The following ABCB11 variants were observed in gnomAD, a reference collection of about 807,000 sequenced individuals.
ABCB11 encodes ATP binding cassette subfamily B member 11.
Under a neutral mutation model 148.0 loss-of-function variants are expected in ABCB11, and 95 were observed. The observed-to-expected ratio is 0.64, with a 90% CI of 0.54 to 0.76. The LOEUF (loss-of-function observed/expected upper bound fraction) is 0.76, where lower values mean the gene tolerates loss of function less well. Among genes scored for constraint, ABCB11 ranks in the 30% least tolerant of loss-of-function variants. The pLI is 0.00. For missense variants in ABCB11, 1,523 were observed against 1,617.8 expected, an observed-to-expected ratio of 0.94 and a Z score of 1.01; for synonymous variants, 591 against 555.4, an observed-to-expected ratio of 1.06 and a Z score of -0.90.
chr2:168,954,601 G>C (rs773279048), intron 19 of ABCB11, among the ~76,000 whole-genome samples: 4 of 151,458 alleles, frequency 2.6e-5, no homozygotes, highest in Non-Finnish European at 5.9e-5. Flanking sequence ...CTATTAGTCT[G>C]ATGGGGTTTC....
intron 18 of ABCB11, 133 bp from the exon 19 acceptor site, chr2:168,958,261 G>A (rs1342890768): frequency 1.3e-6 from 1 of 773,840 alleles, no homozygotes; most frequent in African/African-American, 1.7e-5. Flanking sequence ...TATGGGATAT[G>A]GTTGTTTGTT....
At chr2:168,993,022 T>A (rs894205559) in intron 8 of ABCB11, among the ~76,000 whole-genome samples, 1 of 152,054 alleles carries the variant, frequency 6.6e-6, no homozygotes, top group Non-Finnish European at 1.5e-5. Flanking sequence ...TTTTAGCTGA[T>A]GTGACCCGAA....
Position 168,993,830 on chromosome 2 carries a change from G to A in ABCB11, c.664C>T (p.Gln222Ter), listed in dbSNP as rs1292921760. ...AIADQMALFI[Q>*]RMTSTICGFL... Reference sequence around the variant, plus strand: ...CCACAGATGGTCGAGGTCATGCGCTGAATGAAAAGGGCCATTTGGTCAGCT... The same window carrying A: ...CCACAGATGGTCGAGGTCATGCGCTAAATGAAAAGGGCCATTTGGTCAGCT... The change falls in exon 8 of 28, where the codon CAG becomes TAG. Residue 222 changes from glutamine (Q) to a stop codon, truncating the protein, a stop_gained. Transcript: ENST00000650372. LOFTEE classifies it high-confidence loss of function. 6.2e-7 allele frequency: 1 copy of A among 1,611,442 alleles called. No individual in the cohort carries two copies. The highest frequency in any genetic ancestry group is 1.7e-5 in the Admixed American group (1 of 59,720).
chr2:168,936,925 G>A (rs1282157161), intron 21 of ABCB11, among the ~76,000 whole-genome samples: 2 of 151,908 alleles, frequency 1.3e-5, no homozygotes, highest in Non-Finnish European at 2.9e-5. Flanking sequence ...GTCTCACTCT[G>A]TCACCCAGGC....
intron 21 of ABCB11, among the ~76,000 whole-genome samples, chr2:168,942,522 A>C (rs1352657138): frequency 6.6e-6 from 1 of 151,816 alleles, no homozygotes; most frequent in Non-Finnish European, 1.5e-5. Flanking sequence ...AAAAAAATAG[A>C]AAGAATTAAT....
intron 26 of ABCB11, among the ~76,000 whole-genome samples, chr2:168,926,217 A>G (rs1407270691): frequency 1.6e-4 from 25 of 152,160 alleles, no homozygotes. Context: ...CTTTTGGTGG[A>G]TGGAAAAATG....
In ABCB11 at chr2:169,018,977, T is replaced by C. The variant is rs565281414; in HGVS notation, c.-27-825A>G. ...CCCTCAGCGTCTGGATGCTGACGAG[T>C]GTGAGAGTTTAGCTGGCGAGAGGAC... is the stretch of plus-strand genomic sequence containing the variant. On this transcript the variant is annotated intron_variant, in intron 1 of 27. Coordinates refer to ENST00000650372, the MANE Select transcript of ABCB11 (RefSeq NM_003742.4). 8.6e-5 allele frequency among the ~76,000 whole-genome samples: 13 copies of C among 151,496 alleles called. No homozygotes were observed. In the East Asian group the frequency reaches 1.9e-3, roughly 23 times the overall value.
chr2:169,022,089 T>G (rs1330665766), intron 1 of ABCB11, among the ~76,000 whole-genome samples: 1 of 151,928 alleles, frequency 6.6e-6, no homozygotes, highest in Admixed American at 6.6e-5. Flanking sequence ...TAGAAAATAT[T>G]TAAAATATGG....
Position 168,971,948 on chromosome 2 carries a change from C to T in ABCB11, c.1537G>A (p.Ala513Thr), listed in dbSNP as rs1442707854. 6 of 1,612,976 alleles carry T rather than the reference C, an allele frequency of 3.7e-6. No individual in the cohort carries two copies. Among genetic ancestry groups the T allele is most frequent in the African/African-American group, 1.3e-5 (1 of 74,842 alleles). Residue 513 changes from alanine to threonine, a missense_variant, in exon 14 of 28, where the codon GCA becomes ACA. Coordinates refer to ENST00000650372, the MANE Select transcript of ABCB11 (RefSeq NM_003742.4). ...QEPVLFSTTI[A>T]ENIRYGREDA... is the part of the protein sequence containing the mutation. ...TCTCTGCCATAGCGAATATTTTCTG[C>T]AATGGTGGTAGAGAACAGAACTGGC...
At chr2:169,000,031 G>A (rs1026195253) in intron 5 of ABCB11, among the ~76,000 whole-genome samples, 1 of 152,058 alleles carries the variant, frequency 6.6e-6, no homozygotes. Flanking sequence ...TAAGTCTATA[G>A]TAATATCTCA....
chr2:168,924,227 A>C (rs1460680400), intron 27 of ABCB11, among the ~76,000 whole-genome samples: 1 of 152,160 alleles, frequency 6.6e-6, no homozygotes, highest in East Asian at 1.9e-4. Context: ...ATACATTTTA[A>C]ATTTCATAAT....
intron 23 of ABCB11, among the ~76,000 whole-genome samples, chr2:168,934,790 A>G (rs894067612): frequency 6.6e-6 from 1 of 152,114 alleles, no homozygotes; most frequent in East Asian, 1.9e-4. Context: ...ATTTTTTTCT[A>G]TTCCTTAAAC....
Position 168,957,948 on chromosome 2 carries a change from C to T in ABCB11, c.2343+16G>A. ...AAGGTATGAGAAGAAGAAAGCTAGT[C>T]CAGCTGTGTACTTACCCCAAGAATC... On this transcript the variant is annotated intron_variant, in intron 19 of 27. Transcript: ENST00000650372. 1 of 1,514,876 alleles carries T rather than the reference C, an allele frequency of 6.6e-7. No individual in the cohort carries two copies. Among genetic ancestry groups the T allele is most frequent in the Non-Finnish European group, 9.0e-7 (1 of 1,116,710 alleles). The allele number at this position is 1,514,876 out of a possible 1,614,324, so 93.8% of individuals were successfully genotyped here.
intron 22 of ABCB11, among the ~76,000 whole-genome samples, chr2:168,935,798 G>A (rs1200109462): frequency 6.6e-6 from 1 of 152,148 alleles, no homozygotes; most frequent in African/African-American, 2.4e-5. Flanking sequence ...CAAGCCTGGG[G>A]GACTCTAAAG....
At chr2:168,924,920 C>T in intron 26 of ABCB11, 117 bp from the exon 27 acceptor site, 4 of 783,186 alleles carry the variant, frequency 5.1e-6, no homozygotes, top group Non-Finnish European at 7.6e-6. Flanking sequence ...AACTAGGGAA[C>T]AGTGAGTGAG....
At position 168,986,115 on chromosome 2, in the gene ABCB11, C is replaced by G; in HGVS notation, c.1078G>C (p.Val360Leu). 6.2e-7 allele frequency: 1 copy of G among 1,602,570 alleles called. No homozygotes were observed. Among genetic ancestry groups the G allele is most frequent in the Non-Finnish European group, 8.5e-7 (1 of 1,173,864 alleles). ...DEGEYTPGTLVQIFLSVIVGA... is the reference protein window; with the variant it reads ...DEGEYTPGTLLQIFLSVIVGA... ...GGTCAATAAGTCCAAGGTACCTGGA[C>G]AAGGGTTCCTGGTGTATATTCTCCT... Residue 360 changes from valine (V) to leucine (L), a missense_variant, in exon 10 of 28, where the codon GTC becomes CTC. Coordinates refer to ENST00000650372, the MANE Select transcript of ABCB11 (RefSeq NM_003742.4).
At chr2:168,945,141 G>A (rs905974435) in intron 19 of ABCB11, among the ~76,000 whole-genome samples, 180 bp from the exon 20 acceptor site, 1 of 151,896 alleles carries the variant, frequency 6.6e-6, no homozygotes, top group African/African-American at 2.4e-5. Context: ...ATGTGTCAAT[G>A]TATGTTCATT....
chr2:168,995,223 A>G (rs1694675452), intron 7 of ABCB11, 126 bp downstream of exon 7: 7 of 1,135,448 alleles, frequency 6.2e-6, no homozygotes, highest in Non-Finnish European at 8.5e-6. Context: ...GCCACATATG[A>G]AAGCCCAATT....
intron 10 of ABCB11, among the ~76,000 whole-genome samples, chr2:168,982,239 G>C (rs1400755559): frequency 1.3e-5 from 2 of 152,128 alleles, no homozygotes; most frequent in Admixed American, 6.6e-5. Flanking sequence ...GTGGTTAATA[G>C]GTAGGCCTCA....
Sources: gnomAD v4.1 joint callset for allele counts (sites outside exome capture counted in the v4.1 genomes callset) on GRCh38, gnomAD v4.1.1 for gene constraint, MANE v1.5 for transcripts, NCBI Gene and HGNC (gene_info 2026-07-23, HGNC 2026-07-21) for gene names.